Variants in OIP5 observed in about 807,000 individuals in gnomAD.
OIP5 encodes Opa interacting protein 5.
OIP5 carries 24 observed loss-of-function variants against 20.3 expected under a neutral mutation model. The observed-to-expected ratio is 1.18, with a 90% CI of 0.86 to 1.66. The LOEUF (loss-of-function observed/expected upper bound fraction) is 1.66. Among genes scored for constraint, OIP5 ranks in the 40% most tolerant of loss-of-function variants. The pLI, the probability that OIP5 is intolerant of heterozygous loss-of-function variation, is 0.00. For missense variants in OIP5, 339 were observed against 289.5 expected, an observed-to-expected ratio of 1.17 and a Z score of -1.24; for synonymous variants, 143 against 121.3, an observed-to-expected ratio of 1.18 and a Z score of -1.17.
intron 2 of OIP5, among the ~76,000 whole-genome samples, 179 bp from the exon 3 acceptor site, chr15:41,319,959 C>T (rs910350926): frequency 3.9e-5 from 6 of 152,170 alleles, no homozygotes; most frequent in Non-Finnish European, 5.9e-5. Context: ...AATTTAATTA[C>T]ATGCTGGATT....
chr15:41,321,846 G>A (rs967803093), intron 2 of OIP5, among the ~76,000 whole-genome samples: 1 of 150,202 alleles, frequency 6.7e-6, no homozygotes, highest in African/African-American at 2.5e-5. Context: ...TTGTTTATCT[G>A]CTGACCTTCC....
At chr15:41,330,406 A>G (rs2047890997) in intron 2 of OIP5, among the ~76,000 whole-genome samples, 1 of 140,194 alleles carries the variant, frequency 7.1e-6, no homozygotes, top group Non-Finnish European at 1.6e-5. Flanking sequence ...AGCCGTAATC[A>G]GTATTTTTTT....
chr15:41,321,340 G>C (rs1000635847), intron 2 of OIP5, among the ~76,000 whole-genome samples: 4 of 151,662 alleles, frequency 2.6e-5, no homozygotes, highest in Non-Finnish European at 5.9e-5. Flanking sequence ...CCCCGTCCGC[G>C]AGGTGATGGG....
At chr15:41,322,305 C>CT (rs1183938140) in intron 2 of OIP5, among the ~76,000 whole-genome samples, 1 of 152,062 alleles carries the variant, frequency 6.6e-6, no homozygotes, top group Non-Finnish European at 1.5e-5. Context: ...AAGAAAAGCA[C>CT]TTTAAGAAAA....
At chr15:41,313,143 T>C (rs1448952561) in intron 4 of OIP5, 130 bp downstream of exon 4, 1 of 664,230 alleles carries the variant, frequency 1.5e-6, no homozygotes, top group Non-Finnish European at 2.6e-6. Context: ...ACAAATTCAA[T>C]AGGGAAGGTC....
Position 41,319,675 on chromosome 15 carries a change from G to A in OIP5, c.495C>T (p.Ser165=). 2 of 1,613,254 alleles carry A rather than the reference G, an allele frequency of 1.2e-6. No homozygotes were observed. Among genetic ancestry groups the A allele is most frequent in the Non-Finnish European group, 1.7e-6 (2 of 1,179,658 alleles). ...CTACTCACCACACCATTTTGTCACT[G>A]GAAAGGCAGAAGTGACCTCTCAAGG... ...LAALRGHFCL[S]SDKMVCYLLK... The change falls in exon 3 of 5, where the codon TCC becomes TCT. Residue 165 remains serine (S), a synonymous_variant. Coordinates refer to ENST00000220514, the MANE Select transcript of OIP5 (RefSeq NM_007280.2).
At position 41,309,789 on chromosome 15, in the gene OIP5, C is replaced by T; in HGVS notation, c.655G>A (p.Glu219Lys). ...RLKSLMKILS[E>K]VTPDQSKPEN ...GGCTTGGACTGGTCAGGAGTCACTT[C>T]ACTCAGAATCTTCATTAGTGATTTT... Residue 219 changes from glutamate to lysine, a missense_variant, in exon 5 of 5, where the codon GAA (glutamate) becomes AAA (lysine). Physicochemically the swap from Glu to Lys is moderately conservative, Grantham distance 56. Coordinates refer to ENST00000220514, the MANE Select transcript of OIP5 (RefSeq NM_007280.2). 6.2e-7 allele frequency: 1 copy of T among 1,613,978 alleles called. No homozygotes were observed. Among genetic ancestry groups the T allele is most frequent in the Non-Finnish European group, 8.5e-7 (1 of 1,179,864 alleles).
chr15:41,324,713 T>C (rs2047851076), intron 2 of OIP5, among the ~76,000 whole-genome samples: 1 of 151,974 alleles, frequency 6.6e-6, no homozygotes, highest in South Asian at 2.1e-4. Flanking sequence ...GGTCTTGAAT[T>C]CCTGACCTCA....
chr15:41,319,240 T>C (rs1261626111), intron 3 of OIP5, among the ~76,000 whole-genome samples: 2 of 135,200 alleles, frequency 1.5e-5, no homozygotes, highest in African/African-American at 2.9e-5. Flanking sequence ...GCCCAGCTAC[T>C]TTTTTTTTTT....
chr15:41,311,942 C>T lies in OIP5; in HGVS notation c.594+1331G>A, dbSNP rs1186007331. ...AGCTCTCGGCTCACTGCAACCTCTG[C>T]CTCCCAGGTTCAAGCGATTCTCCTG... On this transcript the variant is annotated intron_variant, in intron 4 of 4. Coordinates refer to ENST00000220514, the MANE Select transcript of OIP5 (RefSeq NM_007280.2). 6.5e-4 allele frequency among the ~76,000 whole-genome samples: 93 copies of T among 142,500 alleles called. 9 individuals carry two copies. The highest frequency in any genetic ancestry group is 7.0e-3 in the Middle Eastern group (2 of 284). 93.5% of individuals were successfully genotyped at this position (142,500 alleles called of 152,430 possible).
intron 2 of OIP5, among the ~76,000 whole-genome samples, chr15:41,323,267 T>C (rs1181397822): frequency 2.0e-5 from 3 of 152,106 alleles, no homozygotes; most frequent in Admixed American, 6.6e-5. Context: ...GGCAGATCAC[T>C]TGAGATCAGG....
At chr15:41,320,695 C>T (rs1477142993) in intron 2 of OIP5, among the ~76,000 whole-genome samples, 8 of 152,246 alleles carry the variant, frequency 5.3e-5, no homozygotes, top group Middle Eastern at 3.4e-3. Flanking sequence ...AGCCTCTGCC[C>T]AGCCGCCACC....
chr15:41,321,745 C>T (rs1336481935), intron 2 of OIP5, among the ~76,000 whole-genome samples: 1 of 150,112 alleles, frequency 6.7e-6, no homozygotes, highest in Non-Finnish European at 1.5e-5. Context: ...TAAGAGTCAT[C>T]ACCACTCCCT....
intron 2 of OIP5, among the ~76,000 whole-genome samples, chr15:41,321,034 G>A (rs938106882): frequency 5.2e-4 from 78 of 150,384 alleles, no homozygotes; most frequent in African/African-American, 1.8e-3. Context: ...GAAGTGAGGA[G>A]ACCCTCCGCC....
At chr15:41,316,767 G>GCGCC (rs1281536274) in intron 3 of OIP5, among the ~76,000 whole-genome samples, 1 of 136,798 alleles carries the variant, frequency 7.3e-6, no homozygotes, top group African/African-American at 2.9e-5. Context: ...TCCAGCCTGG[G>GCGCC]CGCCACAGCA....
rs2047741685 is a variant in OIP5, at chr15:41,309,680, G to C, written c.*74C>G. On this transcript the variant is annotated 3_prime_UTR_variant, in exon 5 of 5. Transcript: ENST00000220514. The stretch of plus-strand genomic sequence containing the variant: ...CATTCTTGAAGCCAATCTTTTTCAA[G>C]AAATGACTAAGCAGCACCTGTTGTT... The C allele has an allele frequency of 1.1e-6, 1 of 942,786 alleles. No individual in the cohort carries two copies. The highest frequency in any genetic ancestry group is 1.6e-5 in the South Asian group (1 of 64,328). 58.4% of individuals were successfully genotyped at this position (942,786 alleles called of 1,614,324 possible). A position where few individuals can be genotyped will look rare whatever the true frequency, so the allele number is the denominator to read the frequency against.
At chr15:41,313,204 G>C (rs901787877) in intron 4 of OIP5, 69 bp downstream of exon 4, 1 of 926,508 alleles carries the variant, frequency 1.1e-6, no homozygotes, top group Non-Finnish European at 1.7e-6. Context: ...TCATCCCCAA[G>C]TTCATTGGTA....
chr15:41,320,410 TGCGATTGCAGGCAC>T (rs1474416344), intron 2 of OIP5, among the ~76,000 whole-genome samples: 9 of 149,862 alleles, frequency 6.0e-5, no homozygotes, highest in Non-Finnish European at 8.9e-5. Flanking sequence ...GCCGAGTGCC[TGCGATTGCAGGCAC>T]GCGCCGCCAC....
In OIP5 at chr15:41,313,417, C is replaced by T. The variant is rs574587302; in HGVS notation, c.513-63G>A. 1.5e-5 allele frequency: 14 copies of T among 905,364 alleles called. No homozygotes were observed. The East Asian group carries it at 3.2e-4, about 21-fold the overall frequency. 56.1% of individuals were successfully genotyped at this position (905,364 alleles called of 1,614,324 possible). On this transcript the variant is annotated intron_variant, in intron 3 of 4. Transcript: ENST00000220514. ...TGGTTAAGATTATAAAAGAACCAAA[C>T]TTACCTTCTAAAGAAAGTATGTGTC... is the stretch of plus-strand genomic sequence containing the variant.
Sources: allele counts gnomAD v4.1 joint callset (sites outside exome capture counted in the v4.1 genomes callset), GRCh38; gene constraint gnomAD v4.1.1; transcripts MANE v1.5; gene names NCBI Gene and HGNC (gene_info 2026-07-23, HGNC 2026-07-21).